CRADD: variants seen among roughly 807,000 people sequenced by gnomAD.
CRADD encodes the protein death domain-containing protein CRADD.
Under a neutral mutation model 15.5 loss-of-function variants are expected in CRADD, and 9 were observed. The observed-to-expected ratio is 0.58, with a 90% CI of 0.35 to 1.01. The LOEUF (loss-of-function observed/expected upper bound fraction) is 1.01, where lower values mean the gene tolerates loss of function less well. CRADD is among the 50% of genes least tolerant of loss of function. The pLI is 0.02. For synonymous variants in CRADD, 118 were observed against 107.6 expected (o/e 1.10, Z -0.60); for missense variants, 227 against 250.3 (o/e 0.91, Z 0.63).
intron 2 of CRADD, among the ~76,000 whole-genome samples, chr12:93,826,497 A>G (rs1195962213): frequency 1.3e-5 from 2 of 152,230 alleles, no homozygotes; most frequent in African/African-American, 4.8e-5. Flanking sequence ...TTAAACGTTT[A>G]ATACTTTTTA....
chr12:93,838,917 C>T (rs1320687886), intron 2 of CRADD, among the ~76,000 whole-genome samples: 2 of 151,730 alleles, frequency 1.3e-5, no homozygotes, highest in Non-Finnish European at 2.9e-5. Context: ...TGTGCACCAC[C>T]ACACCTGGCT....
At chr12:93,802,571 G>A (rs1165246838) in intron 2 of CRADD, among the ~76,000 whole-genome samples, 1 of 152,160 alleles carries the variant, frequency 6.6e-6, no homozygotes, top group Non-Finnish European at 1.5e-5. Flanking sequence ...CTCATCTAGT[G>A]CAAGCTCAAG....
intron 2 of CRADD, among the ~76,000 whole-genome samples, chr12:93,861,042 C>A (rs2164813): frequency 0.7 from 106,187 of 152,044 alleles, 37,173 homozygotes; most frequent in Middle Eastern, 0.8. Context: ...AATATGCATA[C>A]ATTTATCTTT....
At chr12:93,746,982 A>C (rs1956762594) in intron 2 of CRADD, among the ~76,000 whole-genome samples, 2 of 152,160 alleles carry the variant, frequency 1.3e-5, no homozygotes, top group African/African-American at 4.8e-5. Context: ...CACCAAATGA[A>C]TTCAGGCCAA....
intron 2 of CRADD, among the ~76,000 whole-genome samples, chr12:93,706,982 C>A (rs572665930): frequency 7.2e-5 from 11 of 152,288 alleles, no homozygotes; most frequent in Non-Finnish European, 1.2e-4. Flanking sequence ...CCTCTACAAT[C>A]CAAATGGATG....
At chr12:93,687,823 AG>A (rs1452929316) in intron 2 of CRADD, among the ~76,000 whole-genome samples, 1 of 152,192 alleles carries the variant, frequency 6.6e-6, no homozygotes, top group Non-Finnish European at 1.5e-5. Context: ...GACCCCATAC[AG>A]GGGGTGATGC....
At chr12:93,831,814 C>T (rs1404775593) in intron 2 of CRADD, among the ~76,000 whole-genome samples, 1 of 152,246 alleles carries the variant, frequency 6.6e-6, no homozygotes, top group Non-Finnish European at 1.5e-5. Flanking sequence ...GTCTGTATCA[C>T]ATGCAGTCAG....
chr12:93,773,813 G>GGTT lies in CRADD; in HGVS notation c.299-76157_299-76156insGTT, dbSNP rs763799974. Among the ~76,000 whole-genome samples the GGTT allele has an allele frequency of 1.3e-4, 11 of 87,560 alleles. No individual in the cohort carries two copies. The East Asian group carries it at 3.6e-3, about 29-fold the overall frequency. 57.4% of individuals were successfully genotyped at this position (87,560 alleles called of 152,430 possible). A position where few individuals can be genotyped will look rare whatever the true frequency, so the allele number is the denominator to read the frequency against. ...ACTCATAGCCATACCTACTTTGTGA[G>GGTT]TTTTTTTTTTTTTTTTTTTTTTGAG... On this transcript the variant is annotated intron_variant, in intron 2 of 2. Coordinates refer to ENST00000332896, the MANE Select transcript of CRADD (RefSeq NM_003805.5).
intron 2 of CRADD, among the ~76,000 whole-genome samples, chr12:93,684,671 T>G (rs1452814351): frequency 6.6e-6 from 1 of 152,120 alleles, no homozygotes; most frequent in Non-Finnish European, 1.5e-5. Context: ...AAATAACATT[T>G]GGTGGTGAAG....
intron 2 of CRADD, among the ~76,000 whole-genome samples, chr12:93,737,497 A>G (rs1956591754): frequency 6.6e-6 from 1 of 152,232 alleles, no homozygotes; most frequent in Admixed American, 6.5e-5. Flanking sequence ...CTAATCTGGT[A>G]TGTGTTATTT....
At chr12:93,856,513 A>G (rs7965648) in intron 2 of CRADD, among the ~76,000 whole-genome samples, 3 of 152,222 alleles carry the variant, frequency 2.0e-5, no homozygotes, top group Non-Finnish European at 4.4e-5. Context: ...TAATACTTCA[A>G]CTGAGCTTTT....
chr12:93,745,680 G>A (rs1378370736), intron 2 of CRADD, among the ~76,000 whole-genome samples: 1 of 152,168 alleles, frequency 6.6e-6, no homozygotes, highest in Non-Finnish European at 1.5e-5. Flanking sequence ...ATGTAGGTAA[G>A]GTACTTCTGT....
intron 2 of CRADD, among the ~76,000 whole-genome samples, chr12:93,731,610 C>G (rs547511727): frequency 1.3e-5 from 2 of 152,312 alleles, no homozygotes; most frequent in South Asian, 4.1e-4. Context: ...TTTGCCCAAT[C>G]AGTAGATCAA....
rs555374436 is a variant in CRADD at position 93,847,150 on chromosome 12, T to G, written c.299-2820T>G. Among the ~76,000 whole-genome samples, 4 of 152,206 alleles carry G rather than the reference T, an allele frequency of 2.6e-5. 1 individual carries two copies. The highest frequency in any genetic ancestry group is 9.6e-5 in the African/African-American group (4 of 41,536). ...CATATCTGAAAGTGCAGATGTAGAA[T>G]GGATAACATATACCCTGGTCTAAAG... On this transcript the variant is annotated intron_variant, in intron 2 of 2. Coordinates refer to ENST00000332896, the MANE Select transcript of CRADD (RefSeq NM_003805.5).
intron 2 of CRADD, among the ~76,000 whole-genome samples, chr12:93,770,318 C>T (rs532267176): frequency 2.6e-5 from 4 of 152,030 alleles, no homozygotes; most frequent in Non-Finnish European, 4.4e-5. Flanking sequence ...AGGATGGTCT[C>T]GATCTCCTGA....
At position 93,735,897 on chromosome 12, in the gene CRADD, T is replaced by G. The variant is rs184176915; in HGVS notation, c.298+56825T>G. Reference sequence around the variant, plus strand: ...GTGGTATACATATAGATGGTGTATATAAAGTGCATAGCAAGCTGGTTGTGG... The same window carrying G: ...GTGGTATACATATAGATGGTGTATAGAAAGTGCATAGCAAGCTGGTTGTGG... On this transcript the variant is annotated intron_variant, in intron 2 of 2. Coordinates refer to ENST00000332896, the MANE Select transcript of CRADD (RefSeq NM_003805.5). Among the ~76,000 whole-genome samples, 554 of 151,900 alleles carry G rather than the reference T, an allele frequency of 3.6e-3. 2 individuals carry two copies. The highest frequency in any genetic ancestry group is 0.01 in the South Asian group (49 of 4,806).
chr12:93,870,558 A>G (rs1593054540), intron 2 of CRADD, among the ~76,000 whole-genome samples: 1 of 152,102 alleles, frequency 6.6e-6, no homozygotes, highest in South Asian at 2.1e-4. Flanking sequence ...TCTTGCTTCC[A>G]CCACCATGCA....
At chr12:93,811,453 T>C (rs928204238) in intron 2 of CRADD, among the ~76,000 whole-genome samples, 3 of 152,220 alleles carry the variant, frequency 2.0e-5, no homozygotes, top group East Asian at 1.9e-4. Context: ...ACTGGCACCA[T>C]TGAAGGACTC....
In CRADD at chr12:93,719,801, T is replaced by C. The variant is rs116330747; in HGVS notation, c.298+40729T>C. Among the ~76,000 whole-genome samples, 437 of 152,286 alleles carry C rather than the reference T, an allele frequency of 2.9e-3. 3 individuals carry two copies. The highest frequency in any genetic ancestry group is 0.01 in the African/African-American group (417 of 41,578). ...GTAATGATGTTCTCTTTTTCATTTC[T>C]GATATTAGTAATTTGTATTCTGTCT... On this transcript the variant is annotated intron_variant, in intron 2 of 2. Coordinates refer to ENST00000332896, the MANE Select transcript of CRADD (RefSeq NM_003805.5).
Sources: allele counts gnomAD v4.1 joint callset (sites outside exome capture counted in the v4.1 genomes callset), GRCh38; gene constraint gnomAD v4.1.1; transcripts MANE v1.5; gene names NCBI Gene and HGNC (gene_info 2026-07-23, HGNC 2026-07-21).